Variants in MAPKAP1 observed in about 807,000 individuals in gnomAD.
The protein encoded by MAPKAP1 is MAPK associated protein 1, also known as target of rapamycin complex 2 subunit MAPKAP1.
MAPKAP1 carries 20 observed loss-of-function variants against 65.7 expected under a neutral mutation model. That is an observed-to-expected ratio of 0.30 (90% confidence interval 0.21 to 0.44). MAPKAP1 has a LOEUF of 0.44. Among genes scored for constraint, MAPKAP1 ranks in the 20% least tolerant of loss-of-function variants. MAPKAP1 has a pLI of 1.00. For synonymous variants in MAPKAP1, 222 were observed against 244.3 expected (o/e 0.91, Z 0.85); for missense variants, 423 against 648.0 (o/e 0.65, Z 3.77).
intron 6 of MAPKAP1, among the ~76,000 whole-genome samples, chr9:125,549,829 C>A (rs931650466): frequency 6.6e-6 from 1 of 152,192 alleles, no homozygotes; most frequent in Non-Finnish European, 1.5e-5. Flanking sequence ...TTTCGACCCT[C>A]CCCTTCCAGC....
rs1282957913 is a variant in MAPKAP1 at position 125,592,883 on chromosome 9, A to G, written c.499-7156T>C. ...GCACCACTGCAGTCCAGCCTGGGCG[A>G]AAGAGCGAGACTCCGTCTCAAAAAA... is the stretch of plus-strand genomic sequence containing the variant. On this transcript the variant is annotated intron_variant, in intron 4 of 11. Transcript: ENST00000265960. Among the ~76,000 whole-genome samples the G allele has an allele frequency of 2.7e-5, 4 of 149,208 alleles. No individual in the cohort carries two copies. The East Asian group carries it at 7.8e-4, about 29-fold the overall frequency.
chr9:125,507,787 T>G (rs1324372790), intron 7 of MAPKAP1, among the ~76,000 whole-genome samples: 2 of 152,250 alleles, frequency 1.3e-5, no homozygotes, highest in Non-Finnish European at 2.9e-5. Flanking sequence ...ACAGTTCTTT[T>G]AAACTCTAAT....
At chr9:125,606,818 T>C (rs1832452036) in intron 4 of MAPKAP1, among the ~76,000 whole-genome samples, 1 of 152,198 alleles carries the variant, frequency 6.6e-6, no homozygotes, top group Non-Finnish European at 1.5e-5. Flanking sequence ...CCGAATCTTC[T>C]ACAATCGAGA....
At chr9:125,603,138 G>A (rs959551927) in intron 4 of MAPKAP1, among the ~76,000 whole-genome samples, 1 of 151,626 alleles carries the variant, frequency 6.6e-6, no homozygotes, top group Non-Finnish European at 1.5e-5. Context: ...CAAACTCCTG[G>A]GCTCAAACGA....
intron 5 of MAPKAP1, among the ~76,000 whole-genome samples, chr9:125,568,148 G>C (rs1831118170): frequency 2.0e-5 from 3 of 152,136 alleles, no homozygotes; most frequent in Admixed American, 1.3e-4. Flanking sequence ...CCTTGGGTTA[G>C]AGGCCCAACT....
At chr9:125,482,239 A>G (rs1854349128) in intron 9 of MAPKAP1, among the ~76,000 whole-genome samples, 1 of 152,082 alleles carries the variant, frequency 6.6e-6, no homozygotes, top group South Asian at 2.1e-4. Flanking sequence ...CTACAGACCC[A>G]TGTAATCAGC....
At chr9:125,619,292 C>T (rs1221645332) in intron 4 of MAPKAP1, among the ~76,000 whole-genome samples, 1 of 151,930 alleles carries the variant, frequency 6.6e-6, no homozygotes, top group East Asian at 1.9e-4. Context: ...GTGGTGGCAG[C>T]GATAACATAA....
intron 7 of MAPKAP1, among the ~76,000 whole-genome samples, chr9:125,514,251 C>T (rs890380636): frequency 3.5e-4 from 54 of 152,242 alleles, no homozygotes; most frequent in African/African-American, 1.3e-3. Flanking sequence ...AGCTACCTGT[C>T]CCCTTCTCTG....
intron 5 of MAPKAP1, among the ~76,000 whole-genome samples, chr9:125,568,301 C>T (rs996780372): frequency 3.3e-5 from 5 of 152,164 alleles, no homozygotes; most frequent in African/African-American, 9.7e-5. Context: ...TTGCTGATGA[C>T]TGTGGATGAC....
At position 125,579,237 on chromosome 9, in the gene MAPKAP1, T is replaced by C. The variant is rs149601110; in HGVS notation, c.671+6318A>G. Among the ~76,000 whole-genome samples, 665 of 152,342 alleles carry C rather than the reference T, an allele frequency of 4.4e-3. 4 individuals are homozygous for C. The highest frequency in any genetic ancestry group is 0.015 in the African/African-American group (609 of 41,576). On this transcript the variant is annotated intron_variant, in intron 5 of 11. Transcript: ENST00000265960. Reference sequence around the variant, plus strand: ...TCCTGCCAAATTCTCCATTCCTTCATTGGGGCCAAAGTCTACTACCATAGA... The same window carrying C: ...TCCTGCCAAATTCTCCATTCCTTCACTGGGGCCAAAGTCTACTACCATAGA...
rs147153900 is a variant in MAPKAP1, at chr9:125,589,145, A to G, written c.499-3418T>C. 1.6e-3 allele frequency among the ~76,000 whole-genome samples: 243 copies of G among 152,290 alleles called. 3 individuals carry two copies. The East Asian group carries it at 0.023, about 15-fold the overall frequency. ...AGGAGAATGGTAGGACCTACCTATC[A>G]TAAGACCCTTATGAGAATTATTATT... On this transcript the variant is annotated intron_variant, in intron 4 of 11. Coordinates refer to ENST00000265960, the MANE Select transcript of MAPKAP1 (RefSeq NM_001006617.3).
chr9:125,628,708 AACAG>A (rs1833184055), intron 4 of MAPKAP1, among the ~76,000 whole-genome samples: 1 of 152,198 alleles, frequency 6.6e-6, no homozygotes, highest in Non-Finnish European at 1.5e-5. Flanking sequence ...TCAAAGCAAA[AACAG>A]ACAAATGGGA....
At chr9:125,698,296 T>TATATATATATAAA (rs1564622383) in intron 1 of MAPKAP1, among the ~76,000 whole-genome samples, 16 of 10,066 alleles carry the variant, frequency 1.6e-3, no homozygotes, top group African/African-American at 6.4e-3. Flanking sequence ...TAAATATATA[T>TATATATATATAAA]ATATATATAT....
At chr9:125,543,779 C>T (rs1370590427) in intron 6 of MAPKAP1, among the ~76,000 whole-genome samples, 1 of 152,110 alleles carries the variant, frequency 6.6e-6, no homozygotes, top group African/African-American at 2.4e-5. Flanking sequence ...TGTGGGTCAG[C>T]AGCACCATGG....
At chr9:125,640,048 A>C (rs829317) in intron 4 of MAPKAP1, among the ~76,000 whole-genome samples, 150,042 of 152,260 alleles carry the variant, frequency 0.99, 73,957 homozygotes, top group East Asian at 1. Flanking sequence ...AGACCTCAGT[A>C]TAGGCATGAC....
intron 4 of MAPKAP1, among the ~76,000 whole-genome samples, chr9:125,638,328 G>A (rs1370082514): frequency 6.6e-6 from 1 of 152,116 alleles, no homozygotes; most frequent in African/African-American, 2.4e-5. Flanking sequence ...GAGTGTGACT[G>A]GTGAATCTGA....
intron 11 of MAPKAP1, among the ~76,000 whole-genome samples, chr9:125,440,682 G>A (rs948646739): frequency 6.6e-6 from 1 of 152,200 alleles, no homozygotes; most frequent in African/African-American, 2.4e-5. Context: ...AGCAGCAGGC[G>A]TTAAAGGCTG....
chr9:125,521,538 C>T (rs928844958), intron 7 of MAPKAP1: 8 of 1,353,840 alleles, frequency 5.9e-6, no homozygotes, highest in Non-Finnish European at 7.6e-6. Context: ...TGGGGTAATG[C>T]ATTCAAATAA....
intron 7 of MAPKAP1, among the ~76,000 whole-genome samples, chr9:125,538,750 C>A (rs765031490): frequency 6.6e-6 from 1 of 152,148 alleles, no homozygotes; most frequent in South Asian, 2.1e-4. Flanking sequence ...AGCTCCCCTG[C>A]ATCCTATTAT....
Sources: allele counts gnomAD v4.1 joint callset (sites outside exome capture counted in the v4.1 genomes callset), GRCh38; gene constraint gnomAD v4.1.1; transcripts MANE v1.5; gene names NCBI Gene and HGNC (gene_info 2026-07-23, HGNC 2026-07-21).